The following MED25 variants were observed in gnomAD, a reference collection of about 807,000 sequenced individuals.
The protein encoded by MED25 is mediator of RNA polymerase II transcription subunit 25.
MED25 carries 62 observed loss-of-function variants against 89.4 expected under a neutral mutation model. The observed-to-expected ratio is 0.69, with a 90% CI of 0.57 to 0.86. The LOEUF is 0.86. Among genes scored for constraint, MED25 ranks in the 40% least tolerant of loss-of-function variants. The pLI, the probability that MED25 is intolerant of heterozygous loss-of-function variation, is 0.00. For synonymous variants in MED25, 449 were observed against 427.9 expected (o/e 1.05, Z -0.61); for missense variants, 905 against 1,005.2 (o/e 0.90, Z 1.35).
chr19:49,822,640 C>CTTTTTTTTTTTTTTTTTTTTTTTTTT, intron 3 of MED25, among the ~76,000 whole-genome samples: 1 of 68,244 alleles, frequency 1.5e-5, no homozygotes, highest in Non-Finnish European at 2.5e-5. Context: ...CTGTTACATT[C>CTTTTTTTTTTTTTTTTTTTTTTTTTT]TTTTTTTTTT....
In MED25 at chr19:49,818,373, C is replaced by T. The variant is rs777744644; in HGVS notation, c.32C>T (p.Ala11Val). The T allele has an allele frequency of 6.2e-7, 1 of 1,610,052 alleles. No homozygotes were observed. Among genetic ancestry groups the T allele is most frequent in the East Asian group, 2.2e-5 (1 of 44,708 alleles). The change falls in exon 1 of 18, where the codon GCC becomes GTC. Residue 11 changes from alanine to valine, a missense_variant. By Grantham distance (64) the Ala-to-Val change is moderately conservative. Around this residue, in one of 3 missense-constraint regions of MED25, gnomAD observed 501 missense variants for 526.9 expected, o/e 0.95. Coordinates refer to ENST00000312865, the MANE Select transcript of MED25 (RefSeq NM_030973.4). ...CCCGGGTCCGAGGGCCCGGCCCGCG[C>T]CGGGAGCGTGGTGGCCGACGTGGTG... Reference protein sequence around the residue: MVPGSEGPARAGSVVADVVFV... With the variant: MVPGSEGPARVGSVVADVVFV...
intron 3 of MED25, among the ~76,000 whole-genome samples, chr19:49,821,203 A>G (rs962141008): frequency 2.0e-5 from 3 of 152,212 alleles, no homozygotes; most frequent in Non-Finnish European, 4.4e-5. Context: ...ACCTCTCCAC[A>G]GGGCTGGTTG....
chr19:49,819,543 A>G (rs1276694386), intron 3 of MED25: 4 of 497,082 alleles, frequency 8.0e-6, no homozygotes, highest in African/African-American at 7.8e-5. Flanking sequence ...AAGGGATTGA[A>G]AGGACTTTGA....
intron 3 of MED25, among the ~76,000 whole-genome samples, chr19:49,821,179 C>G (rs184047777): frequency 7.9e-4 from 121 of 152,322 alleles, no homozygotes; most frequent in African/African-American, 2.8e-3. Flanking sequence ...GAGTCTGTGG[C>G]TGTTGGCCAC....
In MED25 at chr19:49,828,415, G is replaced by A. The variant is rs753655278; in HGVS notation, c.306-34G>A. 39 of 1,454,968 alleles carry A rather than the reference G, an allele frequency of 2.7e-5. No homozygotes were observed. In the South Asian group the frequency reaches 4.3e-4, roughly 16 times the overall value. 90.1% of individuals were successfully genotyped at this position (1,454,968 alleles called of 1,614,324 possible). Reference sequence around the variant, plus strand: ...GCATAGCCTGGGGATGGGGATGATGGCAACCCTGGGGGCTGACCGCTCTGC... The same window carrying A: ...GCATAGCCTGGGGATGGGGATGATGACAACCCTGGGGGCTGACCGCTCTGC... On this transcript the variant is annotated intron_variant, in intron 3 of 17. Coordinates refer to ENST00000312865, the MANE Select transcript of MED25 (RefSeq NM_030973.4).
intron 3 of MED25, among the ~76,000 whole-genome samples, chr19:49,820,829 G>A (rs1352781876): frequency 1.3e-5 from 2 of 152,190 alleles, no homozygotes; most frequent in African/African-American, 2.4e-5. Context: ...TCAGGCAGAC[G>A]GGTTAAATCC....
In MED25 at chr19:49,834,035, G is replaced by A. The variant is rs939740040; in HGVS notation, c.1483-951G>A. 1.3e-5 allele frequency: 2 copies of A among 152,404 alleles called. No homozygotes were observed. Among genetic ancestry groups the A allele is most frequent in the East Asian group, 3.9e-4 (2 of 5,192 alleles). The allele number at this position is 152,404 out of a possible 1,614,324, so 9.4% of individuals were successfully genotyped here. ...TTATAGTCACAAGGTAGCTCTCATG[G>A]CTCCACGCATCCTGTGTGCTTTCAT... On this transcript the variant is annotated intron_variant, in intron 13 of 17. Transcript: ENST00000312865. The surrounding 1 kb of genome is among the most constrained non-coding windows in gnomAD (Gnocchi z 4.1).
In MED25 at chr19:49,819,249, T is replaced by C. The variant is rs2073964354; in HGVS notation, c.258T>C (p.Ala86=). Residue 86 remains alanine, a synonymous_variant, in exon 3 of 18, where the codon GCT becomes GCC. Coordinates refer to ENST00000312865, the MANE Select transcript of MED25 (RefSeq NM_030973.4). ...CCGAGTCCTACGTACAATGTCACGC[T>C]CCCACCAGCAGCGCCTATGAGTTTG... The part of the protein sequence containing the change: ...CAPESYVQCH[A]PTSSAYEFVT... 1 of 1,614,092 alleles carries C rather than the reference T, an allele frequency of 6.2e-7. No individual in the cohort carries two copies. The highest frequency in any genetic ancestry group is 1.7e-5 in the Admixed American group (1 of 60,006).
chr19:49,830,920 T>C lies in MED25; in HGVS notation c.1101+33T>C. ...CCTGCACGCCTCCTGCCCCTGCTCC[T>C]TCCTCCTGCTGTCCACAGCTAGGAC... On this transcript the variant is annotated intron_variant, in intron 9 of 17. Transcript: ENST00000312865. This position sits in a 1 kb window ranked among gnomAD's most constrained non-coding sequence, Gnocchi z 4.6. 3 of 1,591,586 alleles carry C rather than the reference T, an allele frequency of 1.9e-6. No individual in the cohort carries two copies. The highest frequency in any genetic ancestry group is 2.6e-6 in the Non-Finnish European group (3 of 1,169,336).
rs2073956351 is a variant in MED25, at chr19:49,818,609, G to C, written c.173G>C (p.Gly58Ala). The change falls in exon 2 of 18, where the codon GGG becomes GCG. Residue 58 changes from glycine (G) to alanine (A), a missense_variant. By Grantham distance (60) the Gly-to-Ala change is moderately conservative (BLOSUM62 0). This residue lies in a region of MED25 where 501 missense variants were observed against 526.9 expected (regional missense o/e 0.95). Transcript: ENST00000312865. ...NGGPPAETDF[G>A]GDYGGTQYSL... Reference sequence around the variant, plus strand: ...GGTCCTCCTGCTGAGACGGACTTCGGGGGAGACGTGAGTCTAGGGACTCCT... The same window carrying C: ...GGTCCTCCTGCTGAGACGGACTTCGCGGGAGACGTGAGTCTAGGGACTCCT... The C allele has an allele frequency of 6.2e-6, 10 of 1,614,056 alleles. No individual in the cohort carries two copies. The highest frequency in any genetic ancestry group is 1.1e-5 in the South Asian group (1 of 91,086).
chr19:49,838,908 A>T (rs2074117212), downstream of MED25: 2 of 382,228 alleles, frequency 5.2e-6, no homozygotes, highest in Admixed American at 3.1e-5. Flanking sequence ...TGACCTGGGC[A>T]TTCAGAGCTA....
chr19:49,836,108 C>A lies in MED25; in HGVS notation c.1966-118C>A. ...GACCGCCTCCTCTCCGTCCATCCCC[C>A]ACCTTTGAAGAAAAACTTCCCCTCA... is the stretch of plus-strand genomic sequence containing the variant. On this transcript the variant is annotated intron_variant, in intron 16 of 17. Coordinates refer to ENST00000312865, the MANE Select transcript of MED25 (RefSeq NM_030973.4). The surrounding 1 kb of genome is among the most constrained non-coding windows in gnomAD (Gnocchi z 5.1). The A allele has an allele frequency of 6.6e-7, 1 of 1,515,776 alleles. No homozygotes were observed. The allele number at this position is 1,515,776 out of a possible 1,614,324, so 93.9% of individuals were successfully genotyped here.
chr19:49,819,063 G>A, intron 2 of MED25, 109 bp from the exon 3 acceptor site: 2 of 1,349,620 alleles, frequency 1.5e-6, no homozygotes, highest in Non-Finnish European at 2.1e-6. Context: ...GGAGGAAGCT[G>A]AGGAGTTCCT....
Position 49,832,123 on chromosome 19 carries a change from A to G in MED25, c.1340A>G (p.Lys447Arg), listed in dbSNP as rs779512206. The G allele has an allele frequency of 2.5e-6, 4 of 1,613,170 alleles. No homozygotes were observed. The highest frequency in any genetic ancestry group is 2.5e-6 in the Non-Finnish European group (3 of 1,179,998). The change falls in exon 12 of 18, where the codon AAG (lysine) becomes AGG (arginine). Residue 447 changes from lysine to arginine, a missense_variant. Transcript: ENST00000312865. The stretch of plus-strand genomic sequence containing the variant: ...AGGAAGACGGAGCAGTGGCCCCAGA[A>G]GCTGATCATGCAGCTCATCCCCCAG... ...ENLKTEQWPQ[K>R]LIMQLIPQQL...
At position 49,834,787 on chromosome 19, in the gene MED25, C is replaced by G; in HGVS notation, c.1483-199C>G. 1.6e-6 allele frequency: 1 copy of G among 608,184 alleles called. No individual in the cohort carries two copies. Among genetic ancestry groups the G allele is most frequent in the Non-Finnish European group, 2.9e-6 (1 of 342,114 alleles). 37.7% of individuals were successfully genotyped at this position (608,184 alleles called of 1,614,324 possible). On this transcript the variant is annotated intron_variant, in intron 13 of 17. Coordinates refer to ENST00000312865, the MANE Select transcript of MED25 (RefSeq NM_030973.4). This position sits in a 1 kb window ranked among gnomAD's most constrained non-coding sequence, Gnocchi z 4.1. Reference sequence around the variant, plus strand: ...CTCCGCTTTCCCTCTCAGTGGGCAGCTGGAACCCTAGCTTGCCCTGAGCGC... The same window carrying G: ...CTCCGCTTTCCCTCTCAGTGGGCAGGTGGAACCCTAGCTTGCCCTGAGCGC...
Position 49,836,979 on chromosome 19 carries a change from A to C in MED25, c.*35A>C. 6.6e-7 allele frequency: 1 copy of C among 1,514,992 alleles called. No homozygotes were observed. The highest frequency in any genetic ancestry group is 9.1e-7 in the Non-Finnish European group (1 of 1,098,368). 93.8% of individuals were successfully genotyped at this position (1,514,992 alleles called of 1,614,324 possible). ...ACCCAATAAAGTTCCTTTTTAACACACGCCCCGGCTCCCGTCACTGACATC... is the reference window on the plus strand; with the variant it reads ...ACCCAATAAAGTTCCTTTTTAACACCCGCCCCGGCTCCCGTCACTGACATC... On this transcript the variant is annotated 3_prime_UTR_variant, in exon 18 of 18. Coordinates refer to ENST00000312865, the MANE Select transcript of MED25 (RefSeq NM_030973.4). The surrounding 1 kb of genome is among the most constrained non-coding windows in gnomAD (Gnocchi z 5.1).
chr19:49,819,483 G>A (rs1316557873), intron 3 of MED25, 187 bp downstream of exon 3: 1 of 640,544 alleles, frequency 1.6e-6, no homozygotes, highest in South Asian at 1.7e-5. Context: ...GCGAGGGGCC[G>A]TGAATGAGCG....
chr19:49,837,621 C>T (rs953608726), downstream of MED25, among the ~76,000 whole-genome samples: 5 of 151,894 alleles, frequency 3.3e-5, no homozygotes, highest in Non-Finnish European at 5.9e-5. Flanking sequence ...TGGGTGGTGG[C>T]GGTGTCGGGG....
chr19:49,820,131 G>A (rs1039105899), intron 3 of MED25, among the ~76,000 whole-genome samples: 23 of 151,902 alleles, frequency 1.5e-4, no homozygotes, highest in Admixed American at 7.2e-4. Flanking sequence ...CCACTGTTGC[G>A]GGATTCAGGA....
Sources: gnomAD v4.1 joint callset for allele counts (sites outside exome capture counted in the v4.1 genomes callset) on GRCh38, gnomAD v4.1.1 for gene constraint, gnomAD v4.1.1 regional missense constraint, Gnocchi (gnomAD v3.1) non-coding constraint, MANE v1.5 for transcripts, NCBI Gene and HGNC (gene_info 2026-07-23, HGNC 2026-07-21) for gene names.